The following TPRG1 variants were observed in gnomAD, a reference collection of about 807,000 sequenced individuals.
TPRG1 encodes the protein tumor protein p63-regulated gene 1 protein.
In TPRG1, 29 loss-of-function variants were observed where a neutral mutation model predicts 29.3. That is an observed-to-expected ratio of 0.99 (90% CI 0.74 to 1.35). TPRG1 has a LOEUF of 1.35. Among genes scored for constraint, TPRG1 ranks in the 40% most tolerant of loss-of-function variants. The probability of loss-of-function intolerance (pLI) is 0.00; values close to 1 mark genes in which losing one functional copy is unlikely to be tolerated. For missense variants in TPRG1, 327 were observed against 335.0 expected, an observed-to-expected ratio of 0.98 and a Z score of 0.19; for synonymous variants, 130 against 116.8, an observed-to-expected ratio of 1.11 and a Z score of -0.73.
intron 3 of TPRG1, among the ~76,000 whole-genome samples, chr3:189,228,165 TAA>T (rs1183606406): frequency 6.6e-6 from 1 of 152,154 alleles, no homozygotes; most frequent in East Asian, 1.9e-4. Context: ...ACAATTCCTC[TAA>T]AAGAAAATTT....
chr3:189,168,344 C>T (rs561073245), upstream of TPRG1, among the ~76,000 whole-genome samples: 1 of 152,278 alleles, frequency 6.6e-6, no homozygotes, highest in South Asian at 2.1e-4. Flanking sequence ...AATTTAGTCC[C>T]TTGTCAAAAG....
At chr3:189,115,610 G>A (rs1457574036) in intron 1 of TPRG1, among the ~76,000 whole-genome samples, 1 of 152,168 alleles carries the variant, frequency 6.6e-6, no homozygotes, top group African/African-American at 2.4e-5. Context: ...ATTCTGCCAG[G>A]ATTGTAGGCC....
At chr3:189,095,118 G>A (rs1217595686) in intron 4 of TPRG1, among the ~76,000 whole-genome samples, 1 of 152,154 alleles carries the variant, frequency 6.6e-6, no homozygotes. Context: ...TTGTGTGAAG[G>A]TGAAACAAAG....
intron 3 of TPRG1, among the ~76,000 whole-genome samples, chr3:189,138,422 C>G (rs945002409): frequency 1.2e-4 from 19 of 152,156 alleles, no homozygotes; most frequent in African/African-American, 4.1e-4. Flanking sequence ...ATTAAGAGAG[C>G]AGACTTTCAT....
At chr3:189,082,272 G>T (rs1717644664) in intron 4 of TPRG1, among the ~76,000 whole-genome samples, 1 of 152,192 alleles carries the variant, frequency 6.6e-6, no homozygotes, top group African/African-American at 2.4e-5. Flanking sequence ...TTGCCTGCAT[G>T]ATTTTGAACA....
rs1211265525 is a variant in TPRG1 at position 189,176,019 on chromosome 3, C to T, written c.-10+3888C>T. Among the ~76,000 whole-genome samples the T allele has an allele frequency of 2.6e-5, 4 of 152,116 alleles. No individual in the cohort carries two copies. The East Asian group carries it at 5.8e-4, about 22-fold the overall frequency. ...TCATAATAAACATTACTGAGAAAAT[C>T]GTAAATATATGCATGCTCCACTGTG... is the stretch of plus-strand genomic sequence containing the variant. On this transcript the variant is annotated intron_variant, in intron 1 of 5. Coordinates refer to ENST00000345063, the MANE Select transcript of TPRG1 (RefSeq NM_198485.4).
chr3:189,300,418 A>C (rs1362551897), intron 4 of TPRG1, among the ~76,000 whole-genome samples: 1 of 152,230 alleles, frequency 6.6e-6, no homozygotes, highest in East Asian at 1.9e-4. Context: ...TTTCCATGTA[A>C]AAATAATACA....
chr3:189,268,756 G>T (rs185626646), intron 4 of TPRG1, among the ~76,000 whole-genome samples: 1 of 152,308 alleles, frequency 6.6e-6, no homozygotes, highest in African/African-American at 2.4e-5. Context: ...CAGATGGAAT[G>T]TATGTCAGAG....
intron 1 of TPRG1, among the ~76,000 whole-genome samples, chr3:189,111,845 G>T (rs993237374): frequency 2.0e-5 from 3 of 152,084 alleles, no homozygotes; most frequent in Non-Finnish European, 4.4e-5. Context: ...TCAGTATATT[G>T]TTGAATAGAA....
chr3:189,072,657 G>A (rs1716880455), intron 4 of TPRG1, among the ~76,000 whole-genome samples: 1 of 152,004 alleles, frequency 6.6e-6, no homozygotes, highest in Non-Finnish European at 1.5e-5. Flanking sequence ...GTAATTTGTA[G>A]TGATATGCTT....
intron 3 of TPRG1, among the ~76,000 whole-genome samples, chr3:189,223,605 G>C (rs1388163403): frequency 6.6e-6 from 1 of 152,108 alleles, no homozygotes; most frequent in African/African-American, 2.4e-5. Context: ...TCTCATGACT[G>C]CTACCAATTA....
At chr3:189,171,686 C>T (rs1476180443), upstream of TPRG1, among the ~76,000 whole-genome samples, 1 of 152,034 alleles carries the variant, frequency 6.6e-6, no homozygotes, top group East Asian at 1.9e-4. Flanking sequence ...GAGTGTAGGC[C>T]TCAGGCTTAA....
intron 4 of TPRG1, among the ~76,000 whole-genome samples, chr3:189,247,643 T>A (rs561425554): frequency 0.017 from 2,602 of 152,116 alleles, 77 homozygotes; most frequent in African/African-American, 0.058. Context: ...TTTATTCACT[T>A]ATCAATTGTG....
chr3:189,057,515 T>C (rs1049854658), intron 4 of TPRG1, among the ~76,000 whole-genome samples: 1 of 150,946 alleles, frequency 6.6e-6, no homozygotes, highest in Non-Finnish European at 1.5e-5. Context: ...TTTTTTTTTT[T>C]ACACATTCTG....
chr3:189,213,293 T>C (rs1432485205), intron 2 of TPRG1, among the ~76,000 whole-genome samples: 2 of 152,210 alleles, frequency 1.3e-5, no homozygotes, highest in Non-Finnish European at 2.9e-5. Flanking sequence ...AAATGGTGTA[T>C]AATGGATCCT....
chr3:189,313,845 C>T (rs895943328), intron 5 of TPRG1, among the ~76,000 whole-genome samples: 3 of 151,816 alleles, frequency 2.0e-5, no homozygotes, highest in Non-Finnish European at 4.4e-5. Context: ...TTGGATCAAG[C>T]AAAAAGGAGT....
chr3:189,250,003 T>C (rs1741912523), intron 4 of TPRG1, among the ~76,000 whole-genome samples: 1 of 152,166 alleles, frequency 6.6e-6, no homozygotes, highest in Non-Finnish European at 1.5e-5. Flanking sequence ...TCCCATAAAA[T>C]CCCACCCTTA....
Position 189,318,704 on chromosome 3 carries a change from T to G in TPRG1, c.634-1922T>G, listed in dbSNP as rs1248088404. Among the ~76,000 whole-genome samples, 7 of 152,146 alleles carry G rather than the reference T, an allele frequency of 4.6e-5. 1 individual carries two copies. Among genetic ancestry groups the G allele is most frequent in the African/African-American group, 1.4e-4 (6 of 41,452 alleles). On this transcript the variant is annotated intron_variant, in intron 5 of 5. Coordinates refer to ENST00000345063, the MANE Select transcript of TPRG1 (RefSeq NM_198485.4). ...CAGGTACCTGCTGTCCCAACATTAT[T>G]CACATAGCACTTCCTTTCTTTTCCA...
chr3:189,070,186 A>C (rs1006160871), intron 4 of TPRG1, among the ~76,000 whole-genome samples: 2 of 152,356 alleles, frequency 1.3e-5, no homozygotes, highest in Middle Eastern at 3.4e-3. Context: ...GTATGATTTA[A>C]TTTATATAAC....
Sources: gnomAD v4.1 joint callset for allele counts (sites outside exome capture counted in the v4.1 genomes callset) on GRCh38, gnomAD v4.1.1 for gene constraint, MANE v1.5 for transcripts, NCBI Gene and HGNC (gene_info 2026-07-23, HGNC 2026-07-21) for gene names.